The following PSD3 variants were observed in gnomAD, a reference collection of about 807,000 sequenced individuals.
The protein encoded by PSD3 is PH and SEC7 domain-containing protein 3.
A neutral mutation model predicts 105.5 loss-of-function variants in PSD3; 49 were observed. That is an observed-to-expected ratio of 0.46 (90% CI 0.37 to 0.59). The LOEUF (loss-of-function observed/expected upper bound fraction) is 0.59, where lower values mean the gene tolerates loss of function less well. Ranked by LOEUF, PSD3 falls within the 20% of genes least tolerant of loss-of-function variation. The pLI is 0.00. For synonymous variants in PSD3, 557 were observed against 457.8 expected, an observed-to-expected ratio of 1.22 and a Z score of -2.77; for missense variants, 1,561 against 1,263.8, an observed-to-expected ratio of 1.24 and a Z score of -3.57.
chr8:18,591,496 G>A (rs916248501), intron 12 of PSD3, among the ~76,000 whole-genome samples: 1 of 152,150 alleles, frequency 6.6e-6, no homozygotes, highest in Non-Finnish European at 1.5e-5. Context: ...GAAAGGTAGA[G>A]TGTGTGGCCC....
chr8:18,786,189 G>C (rs906284869), intron 8 of PSD3, among the ~76,000 whole-genome samples: 2 of 152,128 alleles, frequency 1.3e-5, no homozygotes, highest in Non-Finnish European at 2.9e-5. Flanking sequence ...GGGTGACACA[G>C]CGAGACTCCG....
At chr8:18,603,397 C>T (rs1389530278) in intron 11 of PSD3, among the ~76,000 whole-genome samples, 5 of 151,968 alleles carry the variant, frequency 3.3e-5, no homozygotes, top group Non-Finnish European at 7.4e-5. Flanking sequence ...CCTCAGATTG[C>T]TTTTTGGAGG....
intron 11 of PSD3, among the ~76,000 whole-genome samples, chr8:18,601,853 G>A (rs1563366205): frequency 6.6e-6 from 1 of 152,142 alleles, no homozygotes. Flanking sequence ...AGAGACCAGG[G>A]CTGAGAGGGC....
chr8:18,991,005 G>A (rs1825760347), intron 1 of PSD3, among the ~76,000 whole-genome samples: 1 of 152,134 alleles, frequency 6.6e-6, no homozygotes, highest in Admixed American at 6.5e-5. Context: ...AGCTCAGCTA[G>A]CTGATACTTC....
At chr8:18,971,059 G>A (rs1300442765) in intron 1 of PSD3, among the ~76,000 whole-genome samples, 1 of 151,746 alleles carries the variant, frequency 6.6e-6, no homozygotes, top group Admixed American at 6.6e-5. Context: ...ATTCCTTAAT[G>A]AGACCATGCA....
intron 11 of PSD3, among the ~76,000 whole-genome samples, chr8:18,609,053 G>A (rs944862265): frequency 1.3e-5 from 2 of 151,926 alleles, no homozygotes; most frequent in African/African-American, 4.8e-5. Flanking sequence ...GTCATAATAT[G>A]GATAGAAAGA....
At chr8:18,937,803 A>G (rs1034811271) in intron 1 of PSD3, among the ~76,000 whole-genome samples, 3 of 152,198 alleles carry the variant, frequency 2.0e-5, no homozygotes, top group African/African-American at 7.2e-5. Context: ...CTGCCACGTA[A>G]GGTGCCCTAA....
At position 18,628,223 on chromosome 8, in the gene PSD3, C is replaced by A. The variant is rs797018374; in HGVS notation, c.2410+4390G>T. On this transcript the variant is annotated intron_variant, in intron 11 of 15. Transcript: ENST00000327040. Reference sequence around the variant, plus strand: ...CTGAAAAAAACATGAACCTATGAATCCAAGAACCCCAATAAACACCAAATA... The same window carrying A: ...CTGAAAAAAACATGAACCTATGAATACAAGAACCCCAATAAACACCAAATA... 4.0e-5 allele frequency among the ~76,000 whole-genome samples: 6 copies of A among 151,758 alleles called. 1 individual carries two copies. Among genetic ancestry groups the A allele is most frequent in the African/African-American group, 1.4e-4 (6 of 41,438 alleles).
intron 4 of PSD3, among the ~76,000 whole-genome samples, chr8:18,858,424 G>C (rs1315721121): frequency 2.0e-5 from 3 of 152,202 alleles, no homozygotes; most frequent in African/African-American, 7.2e-5. Flanking sequence ...GGTTGCAGAA[G>C]GTTGCGGTGG....
intron 9 of PSD3, among the ~76,000 whole-genome samples, chr8:18,716,012 G>A (rs1003095080): frequency 3.3e-5 from 5 of 152,184 alleles, no homozygotes; most frequent in Admixed American, 1.3e-4. Context: ...GTGCTTTAAC[G>A]AACAAAAGTA....
intron 9 of PSD3, among the ~76,000 whole-genome samples, chr8:18,660,859 C>A (rs1470494490): frequency 6.6e-6 from 1 of 152,164 alleles, no homozygotes; most frequent in Non-Finnish European, 1.5e-5. Flanking sequence ...CAGAATGACT[C>A]TTTGAATTTG....
At chr8:18,999,144 T>C (rs1826235667) in intron 1 of PSD3, among the ~76,000 whole-genome samples, 1 of 151,996 alleles carries the variant, frequency 6.6e-6, no homozygotes, top group Admixed American at 6.5e-5. Flanking sequence ...GGAAAGAATG[T>C]CCTAATGTCT....
rs1173946319 is a variant in PSD3, at chr8:18,529,766, C to A, written c.*5977G>T. On this transcript the variant is annotated 3_prime_UTR_variant, in exon 16 of 16. Transcript: ENST00000327040. ...GTCCAAACATTTCAAATGGTTAAGG[C>A]CCAAAAATGAAACGTTTTGCTTCTC... 1 of 152,464 alleles carries A rather than the reference C, an allele frequency of 6.6e-6. No individual in the cohort carries two copies. The highest frequency in any genetic ancestry group is 1.5e-5 in the Non-Finnish European group (1 of 68,018). The allele number at this position is 152,464 out of a possible 1,614,324, so 9.4% of individuals were successfully genotyped here.
chr8:18,649,159 T>C (rs564195236), intron 10 of PSD3, among the ~76,000 whole-genome samples: 1 of 152,196 alleles, frequency 6.6e-6, no homozygotes, highest in Non-Finnish European at 1.5e-5. Context: ...CCCAGAATGG[T>C]AGAGCCCCCA....
intron 10 of PSD3, among the ~76,000 whole-genome samples, chr8:18,640,603 G>A (rs142897875): frequency 4.9e-4 from 75 of 152,258 alleles, no homozygotes; most frequent in African/African-American, 1.6e-3. Flanking sequence ...TGCCATAACT[G>A]TAAGTTTCCT....
chr8:19,002,091 CCCTG>C (rs1563500535), intron 1 of PSD3: 1 of 153,216 alleles, frequency 6.5e-6, no homozygotes, highest in Non-Finnish European at 1.5e-5. Context: ...TAACTGATCA[CCCTG>C]CCTTAGGACA....
intron 4 of PSD3, among the ~76,000 whole-genome samples, chr8:18,828,986 G>A (rs888686435): frequency 8.6e-5 from 13 of 152,044 alleles, no homozygotes; most frequent in African/African-American, 2.7e-4. Flanking sequence ...GTGGGCGGAC[G>A]GCTTGAGCCT....
intron 9 of PSD3, among the ~76,000 whole-genome samples, chr8:18,673,827 C>T (rs1799922956): frequency 6.6e-6 from 1 of 152,064 alleles, no homozygotes. Context: ...TTAAACTTAT[C>T]AGAGAGAAAG....
At chr8:18,927,180 C>T (rs891194034) in intron 2 of PSD3, among the ~76,000 whole-genome samples, 8 of 152,222 alleles carry the variant, frequency 5.3e-5, no homozygotes, top group Non-Finnish European at 1.0e-4. Flanking sequence ...TGTTCAGCTA[C>T]CCAAAACCTC....
Sources: allele counts gnomAD v4.1 joint callset (sites outside exome capture counted in the v4.1 genomes callset), GRCh38; gene constraint gnomAD v4.1.1; transcripts MANE v1.5; gene names NCBI Gene and HGNC (gene_info 2026-07-23, HGNC 2026-07-21).